Variants in NSRP1 observed in about 807,000 individuals in gnomAD.
The protein encoded by NSRP1 is nuclear speckle splicing regulatory protein 1, also known as coiled-coil domain containing 55.
In NSRP1, 24 loss-of-function variants were observed where a neutral mutation model predicts 54.7. The observed-to-expected ratio is 0.44, with a 90% CI of 0.32 to 0.62. NSRP1 has a LOEUF of 0.62. NSRP1 is among the 20% of genes least tolerant of loss of function. The pLI is 0.06. For missense variants in NSRP1, 596 were observed against 651.2 expected, an observed-to-expected ratio of 0.92 and a Z score of 0.92; for synonymous variants, 210 against 213.8, an observed-to-expected ratio of 0.98 and a Z score of 0.15.
At chr17:30,157,138 A>G (rs1379921511) in intron 2 of NSRP1, among the ~76,000 whole-genome samples, 1 of 152,142 alleles carries the variant, frequency 6.6e-6, no homozygotes, top group Non-Finnish European at 1.5e-5. Context: ...TTTACTCTGC[A>G]TCCTTGCCAG....
intron 2 of NSRP1, among the ~76,000 whole-genome samples, chr17:30,128,452 G>A (rs1447129039): frequency 6.6e-6 from 1 of 152,090 alleles, no homozygotes; most frequent in African/African-American, 2.4e-5. Flanking sequence ...GAAATGGCAA[G>A]ATCTTTGTGA....
intron 2 of NSRP1, among the ~76,000 whole-genome samples, chr17:30,161,274 G>A (rs889288224): frequency 6.6e-6 from 1 of 152,040 alleles, no homozygotes; most frequent in Non-Finnish European, 1.5e-5. Context: ...GTCGCTTAGG[G>A]TATCTGTTTA....
chr17:30,170,742 GGGAGTGAAGCTACCTTTACCA>G (rs1397350631), intron 2 of NSRP1, among the ~76,000 whole-genome samples: 1 of 152,144 alleles, frequency 6.6e-6, no homozygotes, highest in Non-Finnish European at 1.5e-5. Flanking sequence ...CAATGAACAT[GGGAGTGAAGCTACCTTTACCA>G]GGTGGTGATT....
intron 2 of NSRP1, among the ~76,000 whole-genome samples, chr17:30,131,127 CTA>C (rs1467223753): frequency 6.6e-6 from 1 of 152,160 alleles, no homozygotes; most frequent in Admixed American, 6.5e-5. Context: ...ATTACTCAGT[CTA>C]TGTCTTTTTC....
At position 30,118,689 on chromosome 17, in the gene NSRP1, C is replaced by A. The variant is rs1001472723; in HGVS notation, c.114+516C>A. On this transcript the variant is annotated intron_variant, in intron 2 of 6. Coordinates refer to ENST00000247026, the MANE Select transcript of NSRP1 (RefSeq NM_032141.4). ...TTTTCTATTTTAGCAGCCAAAACTA[C>A]TTCTGTGAAACCCACAGTTATATAT... Among the ~76,000 whole-genome samples the A allele has an allele frequency of 2.0e-5, 3 of 151,572 alleles. No homozygotes were observed. The East Asian group carries it at 5.8e-4, about 29-fold the overall frequency.
chr17:30,168,182 A>T (rs1464882931), intron 2 of NSRP1: 1 of 152,158 alleles, frequency 6.6e-6, no homozygotes, highest in Non-Finnish European at 1.5e-5. Context: ...TTGCTTTGCC[A>T]TTCACCAGCT....
intron 2 of NSRP1, chr17:30,144,247 T>G (rs894243753): frequency 4.7e-5 from 7 of 148,206 alleles, no homozygotes; most frequent in East Asian, 2.0e-4. Context: ...CATGTAAGAT[T>G]ATTATTATTA....
chr17:30,145,296 A>T (rs369190187), intron 2 of NSRP1, among the ~76,000 whole-genome samples: 6 of 144,164 alleles, frequency 4.2e-5, no homozygotes, highest in Non-Finnish European at 7.5e-5. Context: ...AAATTATTGC[A>T]CTAAGGCCGG....
chr17:30,140,520 C>CTTTTTTTTT (rs10608409), intron 2 of NSRP1, among the ~76,000 whole-genome samples: 2 of 50,316 alleles, frequency 4.0e-5, no homozygotes, highest in African/African-American at 1.6e-4. Flanking sequence ...TCAGATTTTA[C>CTTTTTTTTT]TTTTTTTTTT....
At chr17:30,133,017 G>A (rs560310453) in intron 2 of NSRP1, among the ~76,000 whole-genome samples, 1 of 152,116 alleles carries the variant, frequency 6.6e-6, no homozygotes, top group South Asian at 2.1e-4. Context: ...TTGGTTCACT[G>A]CAACCTCTGT....
chr17:30,161,218 A>T (rs4343336), intron 2 of NSRP1, among the ~76,000 whole-genome samples: 2 of 151,990 alleles, frequency 1.3e-5, no homozygotes, highest in South Asian at 2.1e-4. Flanking sequence ...ATGTGTACAT[A>T]GGCTTTCATT....
At chr17:30,179,352 G>A in intron 5 of NSRP1, 55 bp downstream of exon 5, 1 of 1,484,578 alleles carries the variant, frequency 6.7e-7, no homozygotes, top group Admixed American at 2.4e-5. Flanking sequence ...TCTCTCCCCT[G>A]TGGTTAGCTG....
chr17:30,157,997 AG>A (rs1171837903), intron 2 of NSRP1, among the ~76,000 whole-genome samples: 1 of 152,218 alleles, frequency 6.6e-6, no homozygotes, highest in Non-Finnish European at 1.5e-5. Context: ...TTCTTTGGAT[AG>A]ATACCCAATA....
intron 2 of NSRP1, among the ~76,000 whole-genome samples, chr17:30,169,902 T>C (rs1478452969): frequency 1.3e-5 from 2 of 151,936 alleles, no homozygotes; most frequent in East Asian, 3.8e-4. Flanking sequence ...CAAGTGTTAA[T>C]AGGCTGGACT....
chr17:30,185,402 C>A lies in NSRP1; in HGVS notation c.1405C>A (p.Gln469Lys). 6.2e-7 allele frequency: 1 copy of A among 1,610,698 alleles called. No homozygotes were observed. The stretch of plus-strand genomic sequence containing the variant: ...TAGGGCAAAGGATAAATTTCTTGAC[C>A]AAGAAAGATCCAACAAAATGAGAAA... ...NSRAKDKFLD[Q>K]ERSNKMRNMA... Residue 469 changes from glutamine (Q) to lysine (K), a missense_variant, in exon 7 of 7, where the codon CAA becomes AAA. Transcript: ENST00000247026.
chr17:30,180,743 AATTT>A (rs2143010417), intron 5 of NSRP1, among the ~76,000 whole-genome samples, 161 bp from the exon 6 acceptor site: 1 of 152,328 alleles, frequency 6.6e-6, no homozygotes, highest in South Asian at 2.1e-4. Context: ...TTTCAATAAA[AATTT>A]ATTTATGAAA....
At chr17:30,153,910 A>T (rs1299235795) in intron 2 of NSRP1, among the ~76,000 whole-genome samples, 1 of 152,224 alleles carries the variant, frequency 6.6e-6, no homozygotes. Flanking sequence ...GGTGGCTAAC[A>T]TATTGGACAA....
chr17:30,182,421 A>G (rs1407122008), intron 6 of NSRP1, among the ~76,000 whole-genome samples: 2 of 152,154 alleles, frequency 1.3e-5, no homozygotes, highest in Non-Finnish European at 2.9e-5. Context: ...AGGCAGGTGG[A>G]TCATGAGATC....
intron 2 of NSRP1, among the ~76,000 whole-genome samples, chr17:30,169,092 A>G (rs1439817960): frequency 6.6e-6 from 1 of 152,112 alleles, no homozygotes; most frequent in Non-Finnish European, 1.5e-5. Flanking sequence ...AGCTATGAAC[A>G]TAGAAACAAA....
Sources: allele counts gnomAD v4.1 joint callset (sites outside exome capture counted in the v4.1 genomes callset), GRCh38; gene constraint gnomAD v4.1.1; transcripts MANE v1.5; gene names NCBI Gene and HGNC (gene_info 2026-07-23, HGNC 2026-07-21).